KIAA1755: variants seen among roughly 807,000 people sequenced by gnomAD.
KIAA1755 encodes KIAA1755, also known as uncharacterized protein KIAA1755.
In KIAA1755, 68 loss-of-function variants were observed where a neutral mutation model predicts 91.7. That is an observed-to-expected ratio of 0.74 (90% CI 0.61 to 0.91). KIAA1755 has a LOEUF of 0.91. KIAA1755 is among the 40% of genes least tolerant of loss of function. KIAA1755 has a pLI of 0.00. For synonymous variants in KIAA1755, 610 were observed against 604.6 expected (o/e 1.01, Z -0.13); for missense variants, 1,535 against 1,494.4 (o/e 1.03, Z -0.45).
intron 1 of KIAA1755, among the ~76,000 whole-genome samples, chr20:38,254,206 T>A (rs1401197963): frequency 6.6e-6 from 1 of 152,132 alleles, no homozygotes; most frequent in Non-Finnish European, 1.5e-5. Context: ...TTCTTAAAGG[T>A]CCAGATTTAT....
chr20:38,239,078 C>G (rs2076007299), intron 4 of KIAA1755, among the ~76,000 whole-genome samples: 1 of 152,210 alleles, frequency 6.6e-6, no homozygotes, highest in Admixed American at 6.5e-5. Flanking sequence ...AAGGCCAGTC[C>G]CCTACACCTT....
chr20:38,260,004 C>A, intron 1 of KIAA1755: 1 of 207,450 alleles, frequency 4.8e-6, no homozygotes. Flanking sequence ...CAAAAGCATC[C>A]CAAGTTTTGG....
chr20:38,239,809 G>C, intron 3 of KIAA1755, 84 bp from the exon 4 acceptor site: 1 of 1,215,130 alleles, frequency 8.2e-7, no homozygotes, highest in Non-Finnish European at 1.2e-6. Context: ...TTCTCTTTCT[G>C]ACTAATAATA....
At chr20:38,249,635 G>A (rs1314461210) in intron 1 of KIAA1755, among the ~76,000 whole-genome samples, 5 of 151,674 alleles carry the variant, frequency 3.3e-5, no homozygotes, top group African/African-American at 9.6e-5. Flanking sequence ...AACAGGGTCC[G>A]GGCACTGCCG....
chr20:38,245,780 G>A (rs1361833005), intron 2 of KIAA1755, 149 bp downstream of exon 2: 2 of 677,050 alleles, frequency 3.0e-6, no homozygotes, highest in Non-Finnish European at 5.1e-6. Flanking sequence ...TCTCCCCCTG[G>A]GCAAGCAATG....
intron 3 of KIAA1755, among the ~76,000 whole-genome samples, chr20:38,240,165 A>G (rs147707396): frequency 2.1e-4 from 32 of 151,848 alleles, no homozygotes; most frequent in African/African-American, 7.3e-4. Flanking sequence ...TCCTGGCCTC[A>G]AGCCACCCAA....
intron 3 of KIAA1755, 53 bp from the exon 4 acceptor site, chr20:38,239,778 T>C: frequency 6.7e-7 from 1 of 1,500,570 alleles, no homozygotes; most frequent in Non-Finnish European, 9.2e-7. Context: ...ATGGGCTTTC[T>C]AAGGGGAAAA....
chr20:38,216,828 G>A (rs2075551113), intron 13 of KIAA1755: 3 of 471,614 alleles, frequency 6.4e-6, no homozygotes, highest in East Asian at 6.6e-5. Context: ...TCAGAAATGT[G>A]CACTCCCCTC....
intron 13 of KIAA1755, among the ~76,000 whole-genome samples, chr20:38,213,955 C>CT (rs11482397): frequency 0.43 from 61,348 of 142,812 alleles, 13,279 homozygotes; most frequent in East Asian, 0.52. Flanking sequence ...CATCAGACAC[C>CT]TTTTTTTTTT....
At position 38,212,853 on chromosome 20, in the gene KIAA1755, CGGG is replaced by C; in HGVS notation, c.*186_*188del. 1.9e-6 allele frequency: 1 copy of C among 532,264 alleles called. No individual in the cohort carries two copies. The highest frequency in any genetic ancestry group is 3.3e-6 in the Non-Finnish European group (1 of 301,714). 33.0% of individuals were successfully genotyped at this position (532,264 alleles called of 1,614,324 possible). ...CTTGCTATTCTGCATGGGTGAAGAT[CGGG>C]TCTTCCAGGAGTTTTCTGGAGCCAG... On this transcript the variant is annotated 3_prime_UTR_variant, in exon 14 of 14. Coordinates refer to ENST00000279024, the MANE Select transcript of KIAA1755 (RefSeq NM_001029864.2).
chr20:38,213,433 C>T lies in KIAA1755; in HGVS notation c.3212G>A (p.Arg1071Lys). ...ACCCTGGCCCTTGGCTGCCACCCCT[C>T]TTCGTTCTGGGCGCGCTGAGTGAGC... is the stretch of plus-strand genomic sequence containing the variant. ...PAAHSARPERRGVAAKGQGVS... is the reference protein window; with the variant it reads ...PAAHSARPERKGVAAKGQGVS... The change falls in exon 14 of 14, where the codon AGA becomes AAA. Residue 1071 changes from arginine to lysine, a missense_variant. Transcript: ENST00000279024. 1 of 1,601,444 alleles carries T rather than the reference C, an allele frequency of 6.2e-7. No individual in the cohort carries two copies. The highest frequency in any genetic ancestry group is 8.5e-7 in the Non-Finnish European group (1 of 1,173,802).
At chr20:38,255,436 C>T (rs911018843) in intron 1 of KIAA1755, among the ~76,000 whole-genome samples, 1 of 152,188 alleles carries the variant, frequency 6.6e-6, no homozygotes, top group African/African-American at 2.4e-5. Context: ...TGCTTTGGCC[C>T]AGCACCACCT....
chr20:38,228,071 CG>C, intron 6 of KIAA1755, 75 bp downstream of exon 6: 1 of 1,101,156 alleles, frequency 9.1e-7, no homozygotes, highest in Non-Finnish European at 1.3e-6. Context: ...TAAGCACCCC[CG>C]GACTCTATGA....
rs138852455 is a variant in KIAA1755, at chr20:38,231,207, G to A, written c.1866C>T (p.Ile622=). The A allele has an allele frequency of 1.2e-6, 2 of 1,612,812 alleles. No individual in the cohort carries two copies. The highest frequency in any genetic ancestry group is 2.7e-5 in the African/African-American group (2 of 74,890). The change falls in exon 5 of 14, where the codon ATC becomes ATT. Residue 622 remains isoleucine (I), a synonymous_variant. Coordinates refer to ENST00000279024, the MANE Select transcript of KIAA1755 (RefSeq NM_001029864.2). ...VTKLLSYLCT[I]PRPEDKAKGL... is the part of the protein sequence containing the mutation. ...AGGGTGGCCCAGATCCTTACCTGGGGATGGTACACAGGTAGGACAGTAGCT... is the reference window on the plus strand; with the variant it reads ...AGGGTGGCCCAGATCCTTACCTGGGAATGGTACACAGGTAGGACAGTAGCT...
At chr20:38,256,415 A>G (rs545527028) in intron 1 of KIAA1755, among the ~76,000 whole-genome samples, 3 of 152,182 alleles carry the variant, frequency 2.0e-5, no homozygotes, top group Non-Finnish European at 4.4e-5. Flanking sequence ...TCTTTCTGCC[A>G]TGTTCACATA....
At chr20:38,253,181 C>T (rs1206194809) in intron 1 of KIAA1755, among the ~76,000 whole-genome samples, 1 of 152,188 alleles carries the variant, frequency 6.6e-6, no homozygotes, top group East Asian at 1.9e-4. Flanking sequence ...AGAGAAGGAG[C>T]TCATCAAGGG....
intron 7 of KIAA1755, among the ~76,000 whole-genome samples, chr20:38,226,486 T>G (rs1024273495): frequency 8.5e-5 from 13 of 152,096 alleles, no homozygotes; most frequent in Admixed American, 6.5e-4. Context: ...CACATTAATG[T>G]ATTTCCCCAA....
chr20:38,231,872 G>A (rs754120832), intron 4 of KIAA1755, among the ~76,000 whole-genome samples: 7 of 152,174 alleles, frequency 4.6e-5, no homozygotes, highest in Non-Finnish European at 7.4e-5. Context: ...GGTGGTGAGC[G>A]TGCAGCCCTG....
At position 38,222,525 on chromosome 20, in the gene KIAA1755, G is replaced by A; in HGVS notation, c.2341C>T (p.Leu781Phe). 1 of 1,613,740 alleles carries A rather than the reference G, an allele frequency of 6.2e-7. No individual in the cohort carries two copies. The highest frequency in any genetic ancestry group is 8.5e-7 in the Non-Finnish European group (1 of 1,179,988). The change falls in exon 10 of 14, where the codon CTC becomes TTC. Residue 781 changes from leucine (L) to phenylalanine (F), a missense_variant. Physicochemically the swap from Leu to Phe is conservative, Grantham distance 22. Transcript: ENST00000279024. The stretch of plus-strand genomic sequence containing the variant: ...AGGGTGGCTCCACCTTCCCGCTGGA[G>A]GCCCAGTAGGCCGGGGTCCCTCAGC... ...AVLRDPGLLGLQREGGATLAR... is the reference protein window; with the variant it reads ...AVLRDPGLLGFQREGGATLAR...
Sources: gnomAD v4.1 joint callset for allele counts (sites outside exome capture counted in the v4.1 genomes callset) on GRCh38, gnomAD v4.1.1 for gene constraint, MANE v1.5 for transcripts, NCBI Gene and HGNC (gene_info 2026-07-23, HGNC 2026-07-21) for gene names.